The following NID2 variants were observed in gnomAD, a reference collection of about 807,000 sequenced individuals.
NID2 encodes the protein nidogen-2.
NID2 carries 83 observed loss-of-function variants against 145.4 expected under a neutral mutation model. That is an observed-to-expected ratio of 0.57 (90% CI 0.48 to 0.69). The LOEUF is 0.69. Ranked by LOEUF, NID2 falls within the 30% of genes least tolerant of loss-of-function variation. The pLI, the probability that NID2 is intolerant of heterozygous loss-of-function variation, is 0.00. For missense variants in NID2, 1,807 were observed against 1,765.7 expected, an observed-to-expected ratio of 1.02 and a Z score of -0.42; for synonymous variants, 739 against 701.3, an observed-to-expected ratio of 1.05 and a Z score of -0.85.
intron 9 of NID2, among the ~76,000 whole-genome samples, chr14:52,032,804 G>GAAAAAGAAAAAA (rs373481352): frequency 1.8e-4 from 25 of 141,846 alleles, no homozygotes; most frequent in African/African-American, 6.7e-4. Context: ...GGCATTAAAA[G>GAAAAAGAAAAAA]AAAAAAAAAA....
At chr14:52,052,186 G>A (rs1892702248) in intron 5 of NID2, among the ~76,000 whole-genome samples, 1 of 152,194 alleles carries the variant, frequency 6.6e-6, no homozygotes, top group Non-Finnish European at 1.5e-5. Flanking sequence ...GAGATTCTCA[G>A]AAGGATCTGA....
At chr14:52,055,595 T>C (rs1038042833) in intron 3 of NID2, among the ~76,000 whole-genome samples, 2 of 152,206 alleles carry the variant, frequency 1.3e-5, no homozygotes, top group Non-Finnish European at 2.9e-5. Context: ...CCCATTATTT[T>C]AGAGTCAATG....
At chr14:52,026,962 G>A (rs560119389) in intron 12 of NID2, among the ~76,000 whole-genome samples, 41 of 152,200 alleles carry the variant, frequency 2.7e-4, no homozygotes, top group Non-Finnish European at 4.9e-4. Context: ...AGAAGCTCCC[G>A]AGTGCTACAG....
chr14:52,023,012 G>A (rs1891457882), intron 12 of NID2, among the ~76,000 whole-genome samples: 1 of 152,164 alleles, frequency 6.6e-6, no homozygotes, highest in Admixed American at 6.5e-5. Context: ...GGCATGTGGT[G>A]AACCCACTCC....
At chr14:52,042,447 C>A in intron 6 of NID2, 97 bp from the exon 7 acceptor site, 1 of 1,401,636 alleles carries the variant, frequency 7.1e-7, no homozygotes, top group Admixed American at 2.2e-5. Flanking sequence ...CCAAAACTCA[C>A]TCTTTAGCAA....
intron 14 of NID2, among the ~76,000 whole-genome samples, 176 bp downstream of exon 14, chr14:52,018,885 C>CT (rs1891306009): frequency 6.6e-6 from 1 of 152,220 alleles, no homozygotes; most frequent in African/African-American, 2.4e-5. Flanking sequence ...TTGCATATCT[C>CT]TATGTCCTTA....
At position 52,031,013 on chromosome 14, in the gene NID2, A is replaced by C. The variant is rs536880253; in HGVS notation, c.2258-1323T>G. 1.1e-4 allele frequency among the ~76,000 whole-genome samples: 17 copies of C among 152,344 alleles called. No individual in the cohort carries two copies. In the South Asian group the frequency reaches 2.9e-3, roughly 26 times the overall value. On this transcript the variant is annotated intron_variant, in intron 9 of 21. Coordinates refer to ENST00000216286, the MANE Select transcript of NID2 (RefSeq NM_007361.4). ...TGCTGCATCACAGAGAGGCCAAATAACCTGCCCAGGGTTACACAGTCAGAA... is the reference window on the plus strand; with the variant it reads ...TGCTGCATCACAGAGAGGCCAAATACCCTGCCCAGGGTTACACAGTCAGAA...
intron 1 of NID2, 110 bp downstream of exon 1, chr14:52,068,657 G>A: frequency 1.0e-6 from 1 of 953,652 alleles, no homozygotes; most frequent in South Asian, 1.5e-5. Flanking sequence ...AAGGGTGCTG[G>A]GGGGCTCCAG....
chr14:52,043,412 C>T (rs1271808221), intron 5 of NID2, among the ~76,000 whole-genome samples: 1 of 152,120 alleles, frequency 6.6e-6, no homozygotes, highest in Non-Finnish European at 1.5e-5. Context: ...GGTCTCGCTA[C>T]CAAGATTGTT....
intron 2 of NID2, among the ~76,000 whole-genome samples, chr14:52,065,254 C>T (rs552488557): frequency 6.6e-6 from 1 of 152,244 alleles, no homozygotes; most frequent in African/African-American, 2.4e-5. Flanking sequence ...AGTAACTTTG[C>T]AATATAAAGT....
At chr14:52,011,431 A>G (rs1223304828) in intron 17 of NID2, 123 bp downstream of exon 17, 2 of 1,232,184 alleles carry the variant, frequency 1.6e-6, no homozygotes, top group Admixed American at 2.0e-5. Flanking sequence ...AGCTCAATAA[A>G]ATGACTTGCC....
chr14:52,040,187 C>A (rs190264112), intron 8 of NID2, among the ~76,000 whole-genome samples: 132 of 151,874 alleles, frequency 8.7e-4, no homozygotes, highest in African/African-American at 3.1e-3. Flanking sequence ...GTGATCCACC[C>A]ACCTTGGCCT....
intron 2 of NID2, among the ~76,000 whole-genome samples, chr14:52,062,640 T>C (rs937323319): frequency 6.6e-5 from 10 of 151,964 alleles, no homozygotes; most frequent in African/African-American, 2.4e-4. Flanking sequence ...ATAATAAATG[T>C]GAGATAGGAG....
chr14:52,023,335 G>C (rs1481635571), intron 12 of NID2, among the ~76,000 whole-genome samples: 1 of 125,640 alleles, frequency 8.0e-6, no homozygotes, highest in African/African-American at 3.1e-5. Context: ...AAATTAGCTG[G>C]GCATGCTACT....
chr14:52,037,490 T>C (rs1399063570), intron 9 of NID2, among the ~76,000 whole-genome samples: 2 of 152,220 alleles, frequency 1.3e-5, no homozygotes, highest in African/African-American at 2.4e-5. Context: ...AATGTGAGTA[T>C]TTCTGGGTTC....
intron 2 of NID2, among the ~76,000 whole-genome samples, chr14:52,061,358 C>T (rs1893015223): frequency 6.6e-6 from 1 of 152,190 alleles, no homozygotes; most frequent in Non-Finnish European, 1.5e-5. Context: ...TGTTTGTAAA[C>T]ACCATTCATT....
intron 5 of NID2, among the ~76,000 whole-genome samples, chr14:52,048,781 G>A (rs1892591409): frequency 6.6e-6 from 1 of 152,152 alleles, no homozygotes; most frequent in Non-Finnish European, 1.5e-5. Flanking sequence ...GTATGGTCAG[G>A]GAAGACCTCG....
rs1555361893 is a variant in NID2, at chr14:52,010,825, C to T, written c.3722+51G>A. 8.3e-6 allele frequency: 13 copies of T among 1,571,342 alleles called. No homozygotes were observed. The Admixed American group carries it at 1.7e-4, about 20-fold the overall frequency. On this transcript the variant is annotated intron_variant, in intron 18 of 21. Transcript: ENST00000216286. Reference sequence around the variant, plus strand: ...CCACATTGTATTTAAAACCCAAGGGCTTCACATCAGGATCTACAGGTAAGA... The same window carrying T: ...CCACATTGTATTTAAAACCCAAGGGTTTCACATCAGGATCTACAGGTAAGA...
At chr14:52,042,382 C>T (rs1892317173) in intron 6 of NID2, 32 bp from the exon 7 acceptor site, 1 of 1,587,866 alleles carries the variant, frequency 6.3e-7, no homozygotes, top group Non-Finnish European at 8.6e-7. Flanking sequence ...TAGGCTTGGA[C>T]GTCATCCTGG....
Sources: gnomAD v4.1 joint callset for allele counts (sites outside exome capture counted in the v4.1 genomes callset) on GRCh38, gnomAD v4.1.1 for gene constraint, MANE v1.5 for transcripts, NCBI Gene and HGNC (gene_info 2026-07-23, HGNC 2026-07-21) for gene names.